CSTF3: variants seen among roughly 807,000 people sequenced by gnomAD.
The protein encoded by CSTF3 is CF-1 77 kDa subunit.
CSTF3 carries 29 observed loss-of-function variants against 105.8 expected under a neutral mutation model. That is an observed-to-expected ratio of 0.27 (90% CI 0.20 to 0.37). The LOEUF is 0.37. Among genes scored for constraint, CSTF3 ranks in the 10% least tolerant of loss-of-function variants. The pLI is 1.00. For synonymous variants in CSTF3, 252 were observed against 281.9 expected (o/e 0.89, Z 1.06); for missense variants, 357 against 879.3 (o/e 0.41, Z 7.51).
intron 3 of CSTF3, among the ~76,000 whole-genome samples, chr11:33,138,874 G>A (rs913169148): frequency 1.4e-4 from 21 of 151,736 alleles, no homozygotes; most frequent in Non-Finnish European, 2.8e-4. Flanking sequence ...TATATATTAA[G>A]AATACACAGA....
chr11:33,085,663 TGA>T, intron 20 of CSTF3, 48 bp downstream of exon 20: 1 of 1,470,772 alleles, frequency 6.8e-7, no homozygotes, highest in Non-Finnish European at 9.5e-7. Context: ...CTACTGCCTA[TGA>T]GACAACAACG....
At chr11:33,085,344 T>C in intron 20 of CSTF3, 55 bp from the exon 21 acceptor site, 1 of 1,400,254 alleles carries the variant, frequency 7.1e-7, no homozygotes, top group Middle Eastern at 1.9e-4. Flanking sequence ...AAAGGGTATG[T>C]ATGTTCAACT....
At chr11:33,105,144 A>G (rs563567034) in intron 8 of CSTF3, among the ~76,000 whole-genome samples, 1 of 152,322 alleles carries the variant, frequency 6.6e-6, no homozygotes, top group African/African-American at 2.4e-5. Flanking sequence ...CCAATAACAC[A>G]AAGATCTTGG....
At chr11:33,151,265 A>G (rs1272057578) in intron 1 of CSTF3, among the ~76,000 whole-genome samples, 1 of 152,008 alleles carries the variant, frequency 6.6e-6, no homozygotes, top group Non-Finnish European at 1.5e-5. Flanking sequence ...ATCATGGCCC[A>G]CTGCAGCCTC....
chr11:33,114,140 T>A (rs1056652057), intron 3 of CSTF3, among the ~76,000 whole-genome samples: 12 of 152,310 alleles, frequency 7.9e-5, no homozygotes, highest in South Asian at 2.1e-4. Context: ...ATTACTTAAT[T>A]TTTAAAGTGT....
chr11:33,092,376 C>T lies in CSTF3; in HGVS notation c.1376-36G>A, dbSNP rs771602234. The T allele has an allele frequency of 3.7e-6, 5 of 1,340,948 alleles. No individual in the cohort carries two copies. The East Asian group carries it at 1.2e-4, about 33-fold the overall frequency. 83.1% of individuals were successfully genotyped at this position (1,340,948 alleles called of 1,614,324 possible). A position where few individuals can be genotyped will look rare whatever the true frequency, so the allele number is the denominator to read the frequency against. ...GAAAAAGATTTTAATTTTTTTAATTCACTTTTACGATGCAACAATATTTTC... is the reference window on the plus strand; with the variant it reads ...GAAAAAGATTTTAATTTTTTTAATTTACTTTTACGATGCAACAATATTTTC... On this transcript the variant is annotated intron_variant, in intron 15 of 20. Coordinates refer to ENST00000323959, the MANE Select transcript of CSTF3 (RefSeq NM_001326.3).
intron 3 of CSTF3, among the ~76,000 whole-genome samples, chr11:33,115,941 C>A (rs1258316930): frequency 6.6e-6 from 1 of 152,058 alleles, no homozygotes; most frequent in Non-Finnish European, 1.5e-5. Flanking sequence ...TATGTACATA[C>A]AAATGTATAC....
At chr11:33,143,239 G>C (rs889854918) in intron 1 of CSTF3, among the ~76,000 whole-genome samples, 2 of 152,262 alleles carry the variant, frequency 1.3e-5, no homozygotes, top group African/African-American at 4.8e-5. Flanking sequence ...ATAAGCAGTA[G>C]AATTAGAGGC....
Position 33,086,386 on chromosome 11 carries a change from T to TATCA in CSTF3, c.1796-401_1796-398dup, listed in dbSNP as rs200520542. 5.4e-3 allele frequency among the ~76,000 whole-genome samples: 814 copies of TATCA among 152,112 alleles called. 7 individuals carry two copies. The highest frequency in any genetic ancestry group is 0.019 in the African/African-American group (777 of 41,502). ...CATTCCTAAGTAAAGAAACCAAATCTATCAGTGAAGAAAGTTTCCACCAGC... is the reference window on the plus strand; with the variant it reads ...CATTCCTAAGTAAAGAAACCAAATCTATCAATCAGTGAAGAAAGTTTCCACCAGC... On this transcript the variant is annotated intron_variant, in intron 18 of 20. Coordinates refer to ENST00000323959, the MANE Select transcript of CSTF3 (RefSeq NM_001326.3).
At chr11:33,122,842 G>A (rs1461387244) in intron 3 of CSTF3, among the ~76,000 whole-genome samples, 1 of 148,594 alleles carries the variant, frequency 6.7e-6, no homozygotes, top group African/African-American at 2.5e-5. Context: ...CTGGAGCCTA[G>A]GAGGTGGAGG....
In CSTF3 at chr11:33,097,271, T is replaced by C. The variant is rs186652143; in HGVS notation, c.1129-293A>G. ...TAATTCTAGAATATGTAAATTAAAG[T>C]TTAAGAGTGAAAAGTGTGACACTAC... On this transcript the variant is annotated intron_variant, in intron 13 of 20. Transcript: ENST00000323959. 8.3e-3 allele frequency among the ~76,000 whole-genome samples: 1,267 copies of C among 152,304 alleles called. 6 individuals carry two copies. Among genetic ancestry groups the C allele is most frequent in the Middle Eastern group, 0.017 (5 of 294 alleles).
chr11:33,120,231 G>A (rs1855473006), intron 3 of CSTF3, among the ~76,000 whole-genome samples: 1 of 151,480 alleles, frequency 6.6e-6, no homozygotes, highest in African/African-American at 2.4e-5. Context: ...CATTAAAAGC[G>A]ATTTTATAGA....
chr11:33,135,906 A>G (rs1294826631), intron 3 of CSTF3, among the ~76,000 whole-genome samples: 1 of 152,134 alleles, frequency 6.6e-6, no homozygotes, highest in Non-Finnish European at 1.5e-5. Flanking sequence ...CATGAATAGA[A>G]GTATTTAGAT....
At chr11:33,150,219 T>TAAAAAA (rs10714096) in intron 1 of CSTF3, among the ~76,000 whole-genome samples, 409 of 103,610 alleles carry the variant, frequency 3.9e-3, no homozygotes, top group African/African-American at 0.01. Flanking sequence ...TGTCTCAAAC[T>TAAAAAA]AAAAAAAAAA....
At chr11:33,088,568 C>T (rs1470813137) in intron 17 of CSTF3, among the ~76,000 whole-genome samples, 1 of 151,962 alleles carries the variant, frequency 6.6e-6, no homozygotes, top group Non-Finnish European at 1.5e-5. Flanking sequence ...GTGTGAGCCA[C>T]CACACCTGGC....
chr11:33,084,909 G>A lies in CSTF3; in HGVS notation c.*178C>T, dbSNP rs756648689. ...TTTGCTTAGAGCATAGGTCTGTTCC[G>A]TATTCTAAAATTCACACAGGTTGGT... On this transcript the variant is annotated 3_prime_UTR_variant, in exon 21 of 21. Transcript: ENST00000323959. 4.0e-5 allele frequency: 28 copies of A among 700,200 alleles called. No homozygotes were observed. Among genetic ancestry groups the A allele is most frequent in the Admixed American group, 2.0e-4 (8 of 40,214 alleles). The allele number at this position is 700,200 out of a possible 1,614,324, so 43.4% of individuals were successfully genotyped here.
At position 33,086,442 on chromosome 11, in the gene CSTF3, C is replaced by CTTT. The variant is rs11422800; in HGVS notation, c.1796-456_1796-454dup. ...AGGTAATCTGCACATAGCAGCATTCCTTTTTTTTTTTTGATACAGAGTGTC... is the reference window on the plus strand; with the variant it reads ...AGGTAATCTGCACATAGCAGCATTCCTTTTTTTTTTTTTTTGATACAGAGTGTC... On this transcript the variant is annotated intron_variant, in intron 18 of 20. Coordinates refer to ENST00000323959, the MANE Select transcript of CSTF3 (RefSeq NM_001326.3). Among the ~76,000 whole-genome samples the CTTT allele has an allele frequency of 8.5e-3, 1,264 of 148,676 alleles. 10 individuals carry two copies. Among genetic ancestry groups the CTTT allele is most frequent in the East Asian group, 0.031 (156 of 5,088 alleles).
chr11:33,150,219 T>TAAAAAAAAAAAAAAAA (rs10714096), intron 1 of CSTF3, among the ~76,000 whole-genome samples: 103 of 104,284 alleles, frequency 9.9e-4, no homozygotes, highest in Non-Finnish European at 1.4e-3. Context: ...TGTCTCAAAC[T>TAAAAAAAAAAAAAAAA]AAAAAAAAAA....
intron 3 of CSTF3, among the ~76,000 whole-genome samples, chr11:33,113,089 C>T (rs1328682780): frequency 6.6e-6 from 1 of 151,922 alleles, no homozygotes; most frequent in South Asian, 2.1e-4. Context: ...TGCCTGTAGT[C>T]CCAGCTACTC....
Sources: gnomAD v4.1 joint callset for allele counts (sites outside exome capture counted in the v4.1 genomes callset) on GRCh38, gnomAD v4.1.1 for gene constraint, MANE v1.5 for transcripts, NCBI Gene and HGNC (gene_info 2026-07-23, HGNC 2026-07-21) for gene names.